PTPRG: variants seen among roughly 807,000 people sequenced by gnomAD.
PTPRG encodes the protein protein tyrosine phosphatase receptor type G.
Under a neutral mutation model 165.3 loss-of-function variants are expected in PTPRG, and 102 were observed. The observed-to-expected ratio is 0.62, with a 90% CI of 0.53 to 0.73. The LOEUF (loss-of-function observed/expected upper bound fraction) is 0.73, where lower values mean the gene tolerates loss of function less well. Ranked by LOEUF, PTPRG falls within the 30% of genes least tolerant of loss-of-function variation. The pLI is 0.00. For synonymous variants in PTPRG, 675 were observed against 669.5 expected (o/e 1.01, Z -0.13); for missense variants, 1,866 against 1,861.4 (o/e 1.00, Z -0.05).
intron 13 of PTPRG, among the ~76,000 whole-genome samples, chr3:62,225,605 C>G (rs1327835870): frequency 2.0e-4 from 30 of 147,490 alleles, no homozygotes; most frequent in Admixed American, 2.0e-3. Flanking sequence ...CCTGAAATGG[C>G]TTTGTATATC....
chr3:61,802,371 T>G (rs980860129), intron 2 of PTPRG, among the ~76,000 whole-genome samples: 2 of 151,992 alleles, frequency 1.3e-5, no homozygotes. Flanking sequence ...AAAGAGAAGA[T>G]GAAATGAATG....
chr3:61,645,696 A>G (rs138606932), intron 1 of PTPRG, among the ~76,000 whole-genome samples: 29 of 152,258 alleles, frequency 1.9e-4, no homozygotes, highest in Admixed American at 5.9e-4. Flanking sequence ...GGACCATACA[A>G]TCTTTGTTGG....
At chr3:61,684,237 G>C (rs1451237851) in intron 1 of PTPRG, among the ~76,000 whole-genome samples, 1 of 152,120 alleles carries the variant, frequency 6.6e-6, no homozygotes, top group Non-Finnish European at 1.5e-5. Flanking sequence ...TGCTGGTGGT[G>C]ATGGTGGGGG....
At chr3:62,136,170 A>G (rs1217489664) in intron 6 of PTPRG, among the ~76,000 whole-genome samples, 1 of 152,148 alleles carries the variant, frequency 6.6e-6, no homozygotes, top group African/African-American at 2.4e-5. Flanking sequence ...GTCCTGGCTC[A>G]TTCTGTCCGT....
intron 2 of PTPRG, among the ~76,000 whole-genome samples, chr3:61,971,553 C>G (rs1383555108): frequency 6.6e-6 from 1 of 152,142 alleles, no homozygotes; most frequent in Non-Finnish European, 1.5e-5. Flanking sequence ...TATCTTGTAA[C>G]TAAAGGAAAT....
At chr3:61,617,033 G>C (rs1403641759) in intron 1 of PTPRG, among the ~76,000 whole-genome samples, 1 of 152,224 alleles carries the variant, frequency 6.6e-6, no homozygotes, top group Non-Finnish European at 1.5e-5. Context: ...TTGTGTGCCT[G>C]ATCCTGGTTT....
intron 1 of PTPRG, among the ~76,000 whole-genome samples, chr3:61,564,020 C>T (rs1699841953): frequency 6.6e-6 from 1 of 152,208 alleles, no homozygotes; most frequent in South Asian, 2.1e-4. Flanking sequence ...GGGGTTTGCC[C>T]ACTGGAGTCC....
At chr3:61,654,190 A>G (rs1702445895) in intron 1 of PTPRG, among the ~76,000 whole-genome samples, 1 of 152,166 alleles carries the variant, frequency 6.6e-6, no homozygotes, top group Non-Finnish European at 1.5e-5. Context: ...GAGTCATTCA[A>G]GAGAATGGGG....
chr3:61,853,256 C>T (rs375228532), intron 2 of PTPRG, among the ~76,000 whole-genome samples: 1 of 152,222 alleles, frequency 6.6e-6, no homozygotes, highest in African/African-American at 2.4e-5. Context: ...ATAATCCCCA[C>T]TTCCAGGTAT....
chr3:61,690,593 A>G lies in PTPRG; in HGVS notation c.86-58285A>G, dbSNP rs187061681. ...AAACACTCATTGTGTTTTTGCTCTGAAGGTCCATGAAGGGATAGATTCGTC... is the reference window on the plus strand; with the variant it reads ...AAACACTCATTGTGTTTTTGCTCTGGAGGTCCATGAAGGGATAGATTCGTC... On this transcript the variant is annotated intron_variant, in intron 1 of 29. Transcript: ENST00000474889. Among the ~76,000 whole-genome samples the G allele has an allele frequency of 2.3e-3, 345 of 152,280 alleles. 1 individual carries two copies. The highest frequency in any genetic ancestry group is 8.1e-3 in the African/African-American group (335 of 41,562).
At chr3:62,058,541 T>C (rs75259904) in intron 4 of PTPRG, among the ~76,000 whole-genome samples, 1,559 of 152,136 alleles carry the variant, frequency 0.01, 21 homozygotes, top group African/African-American at 0.036. Context: ...CACACCTTTT[T>C]GTTGGGATCT....
In PTPRG at chr3:61,568,398, T is replaced by A. The variant is rs58587584; in HGVS notation, c.85+6026T>A. On this transcript the variant is annotated intron_variant, in intron 1 of 29. Transcript: ENST00000474889. Reference sequence around the variant, plus strand: ...GAAAAGGATTGTTAGGTATAAGTGATGGCTGTGCAAGATTGCTTTAAGTAG... The same window carrying A: ...GAAAAGGATTGTTAGGTATAAGTGAAGGCTGTGCAAGATTGCTTTAAGTAG... Among the ~76,000 whole-genome samples, 1,117 of 152,208 alleles carry A rather than the reference T, an allele frequency of 7.3e-3. 15 individuals are homozygous for A. The highest frequency in any genetic ancestry group is 0.026 in the African/African-American group (1,063 of 41,446).
chr3:62,268,400 A>C (rs577883702), intron 19 of PTPRG, among the ~76,000 whole-genome samples: 1 of 152,108 alleles, frequency 6.6e-6, no homozygotes, highest in Non-Finnish European at 1.5e-5. Context: ...GAATCACCAC[A>C]CTGGGTTGAT....
chr3:61,641,599 T>C (rs191920931), intron 1 of PTPRG, among the ~76,000 whole-genome samples: 1 of 152,326 alleles, frequency 6.6e-6, no homozygotes, highest in African/African-American at 2.4e-5. Context: ...TATCGGCTTT[T>C]GTGTTTTGTC....
At chr3:61,706,814 AACTAGAAAGC>A (rs988181839) in intron 1 of PTPRG, among the ~76,000 whole-genome samples, 9 of 151,912 alleles carry the variant, frequency 5.9e-5, no homozygotes, top group African/African-American at 2.2e-4. Context: ...TATTATTTTT[AACTAGAAAGC>A]AATATATGAA....
intron 1 of PTPRG, among the ~76,000 whole-genome samples, chr3:61,638,548 C>T (rs1016785416): frequency 6.8e-6 from 1 of 147,426 alleles, no homozygotes; most frequent in Non-Finnish European, 1.5e-5. Flanking sequence ...AAAAATCTTC[C>T]CAAGTAGCTG....
At chr3:61,629,454 C>A (rs1282483547) in intron 1 of PTPRG, among the ~76,000 whole-genome samples, 1 of 152,056 alleles carries the variant, frequency 6.6e-6, no homozygotes, top group Non-Finnish European at 1.5e-5. Context: ...GTACCCGGCC[C>A]CTGAGTTAGA....
rs71100977 is a variant in PTPRG, at chr3:61,772,058, TAAAAAAAA to T, written c.190+23094_190+23101del. 9.3e-5 allele frequency among the ~76,000 whole-genome samples: 6 copies of T among 64,820 alleles called. No individual in the cohort carries two copies. The East Asian group carries it at 2.1e-3, about 22-fold the overall frequency. The allele number at this position is 64,820 out of a possible 152,430, so 42.5% of individuals were successfully genotyped here. A position where few individuals can be genotyped will look rare whatever the true frequency, so the allele number is the denominator to read the frequency against. On this transcript the variant is annotated intron_variant, in intron 2 of 29. Coordinates refer to ENST00000474889, the MANE Select transcript of PTPRG (RefSeq NM_002841.4). ...CTGGGTGACAGAGTAAGACTCTGTC[TAAAAAAAA>T]AAAAAAAAAAAAAAAAAGAATGAAT...
intron 8 of PTPRG, among the ~76,000 whole-genome samples, chr3:62,174,795 C>T (rs1225270758): frequency 6.6e-6 from 1 of 152,212 alleles, no homozygotes; most frequent in Non-Finnish European, 1.5e-5. Flanking sequence ...CTGATATGAA[C>T]ACTTAATGCC....
Sources: gnomAD v4.1 joint callset for allele counts (sites outside exome capture counted in the v4.1 genomes callset) on GRCh38, gnomAD v4.1.1 for gene constraint, MANE v1.5 for transcripts, NCBI Gene and HGNC (gene_info 2026-07-23, HGNC 2026-07-21) for gene names.